MAGEB10: variants seen among roughly 807,000 people sequenced by gnomAD.
The protein encoded by MAGEB10 is MAGE family member B10, also known as melanoma-associated antigen B10.
For synonymous variants in MAGEB10, 99 were observed against 101.0 expected, an observed-to-expected ratio of 0.98 and a Z score of 0.12; for missense variants, 190 against 261.9, an observed-to-expected ratio of 0.73 and a Z score of 1.89.
chrX:27,811,461 T>C (rs750917120), intron 1 of MAGEB10, among the ~76,000 whole-genome samples: 1 of 111,466 alleles, frequency 9.0e-6, no homozygotes, highest in African/African-American at 3.3e-5. Flanking sequence ...ATATGAGCGC[T>C]TTGGAATGAG....
At chrX:27,817,440 T>C (rs1923802620) in intron 1 of MAGEB10, 114 bp from the exon 2 acceptor site, 1 of 111,534 alleles carries the variant, frequency 9.0e-6, no homozygotes, top group Non-Finnish European at 1.9e-5. Context: ...TTTTTAAATG[T>C]ATTATAGGCT....
At chrX:27,816,322 G>A (rs763958646) in intron 1 of MAGEB10, among the ~76,000 whole-genome samples, 3 of 111,955 alleles carry the variant, frequency 2.7e-5, no homozygotes, top group East Asian at 5.6e-4. Flanking sequence ...GTGAATCTTC[G>A]TGGAGCAATT....
intron 1 of MAGEB10, among the ~76,000 whole-genome samples, chrX:27,815,377 A>G (rs1269457248): frequency 8.9e-6 from 1 of 112,404 alleles, no homozygotes; most frequent in Non-Finnish European, 1.9e-5. Context: ...AGTGAACACT[A>G]CATACCTGCT....
At chrX:27,820,578 A>T (rs1923865686) in intron 2 of MAGEB10, among the ~76,000 whole-genome samples, 1 of 111,265 alleles carries the variant, frequency 9.0e-6, no homozygotes, top group African/African-American at 3.3e-5. Flanking sequence ...ACAGAGTCCC[A>T]TCTATGCTGT....
At chrX:27,810,729 G>T (rs1409046973) in intron 1 of MAGEB10, among the ~76,000 whole-genome samples, 1 of 111,170 alleles carries the variant, frequency 9.0e-6, no homozygotes, top group Admixed American at 9.5e-5. Context: ...CAGAACAAAG[G>T]GGACCCAACA....
In MAGEB10 at chrX:27,822,374, G is replaced by C. The variant is rs1923906322; in HGVS notation, c.*24G>C. 2 of 1,174,367 alleles carry C rather than the reference G, an allele frequency of 1.7e-6. No individual in the cohort carries two copies. On this transcript the variant is annotated 3_prime_UTR_variant, in exon 3 of 3. Transcript: ENST00000356790. ...AAAGTCTGAGGGAGATTCTTCATTTGTGTTTGAAAAGAAATGCACATTCTG... is the reference window on the plus strand; with the variant it reads ...AAAGTCTGAGGGAGATTCTTCATTTCTGTTTGAAAAGAAATGCACATTCTG...
rs1923806669 is a variant in MAGEB10, at chrX:27,817,691, T to A, written c.-61T>A. On this transcript the variant is annotated 5_prime_UTR_variant, in exon 2 of 3. Transcript: ENST00000356790. The stretch of plus-strand genomic sequence containing the variant: ...CTAGGAGTACAGTTGGGAGCCACTG[T>A]ACCTGGTTACTGTGAGTTTTAAATA... 9.0e-6 allele frequency: 1 copy of A among 111,216 alleles called. No individual in the cohort carries two copies. The highest frequency in any genetic ancestry group is 3.3e-5 in the African/African-American group (1 of 30,534). The allele number at this position is 111,216 out of a possible 1,213,427, so 9.2% of individuals were successfully genotyped here. A position where few individuals can be genotyped will look rare whatever the true frequency, so the allele number is the denominator to read the frequency against.
At chrX:27,813,553 C>A in intron 1 of MAGEB10, among the ~76,000 whole-genome samples, 1 of 111,739 alleles carries the variant, frequency 8.9e-6, no homozygotes, top group South Asian at 3.8e-4. Flanking sequence ...ATTGTAGAGT[C>A]TAAGAGCAGC....
intron 1 of MAGEB10, among the ~76,000 whole-genome samples, chrX:27,817,179 A>G (rs1334281145): frequency 1.8e-5 from 2 of 108,550 alleles, no homozygotes; most frequent in African/African-American, 6.6e-5. Context: ...ATAAACCTTT[A>G]GTGTGTTAAG....
chrX:27,810,889 C>T (rs942257458), intron 1 of MAGEB10, among the ~76,000 whole-genome samples: 5 of 110,316 alleles, frequency 4.5e-5, no homozygotes, highest in African/African-American at 1.7e-4. Context: ...GACTCAGGCC[C>T]TTATGGAAGT....
intron 2 of MAGEB10, among the ~76,000 whole-genome samples, chrX:27,820,453 G>A (rs1396236544): frequency 4.5e-5 from 5 of 110,675 alleles, no homozygotes; most frequent in East Asian, 2.9e-4. Flanking sequence ...AGGGGAGGGC[G>A]TTGGACCAGA....
chrX:27,811,020 A>C (rs1923672852), intron 1 of MAGEB10, among the ~76,000 whole-genome samples: 1 of 99,647 alleles, frequency 1.0e-5, no homozygotes. Context: ...CTGGGATATC[A>C]AGTGGAAGAG....
At chrX:27,811,956 G>C (rs1222398300) in intron 1 of MAGEB10, 1 of 133,860 alleles carries the variant, frequency 7.5e-6, no homozygotes, top group Non-Finnish European at 1.7e-5. Flanking sequence ...GCCCAAGGAC[G>C]TGGAAGGTGC....
rs777281486 is a variant in MAGEB10 at position 27,821,499 on chromosome X, C to T, written c.193C>T (p.Arg65Trp). Residue 65 changes from arginine to tryptophan, a missense_variant, in exon 3 of 3, where the codon CGG (arginine) becomes TGG (tryptophan). Transcript: ENST00000356790. ...DGASNNPHGL[R>W]EAQSTSTSAT... ...GGCATCCAACAATCCCCATGGACTTCGGGAAGCCCAATCCACCAGCACATC... is the reference window on the plus strand; with the variant it reads ...GGCATCCAACAATCCCCATGGACTTTGGGAAGCCCAATCCACCAGCACATC... 5 of 1,209,059 alleles carry T rather than the reference C, an allele frequency of 4.1e-6. No homozygotes were observed. The highest frequency in any genetic ancestry group is 2.3e-4 in the Middle Eastern group (1 of 4,375).
At chrX:27,816,224 C>A (rs1438439319) in intron 1 of MAGEB10, among the ~76,000 whole-genome samples, 1 of 110,863 alleles carries the variant, frequency 9.0e-6, no homozygotes, top group Non-Finnish European at 1.9e-5. Flanking sequence ...TCTCTATTTT[C>A]AGGTCGGTTT....
At chrX:27,812,750 G>A in intron 1 of MAGEB10, 1 of 368,474 alleles carries the variant, frequency 2.7e-6, no homozygotes. Flanking sequence ...AAGTCCTAGA[G>A]TTTTTGGCCA....
At chrX:27,820,007 A>G (rs1264035161) in intron 2 of MAGEB10, among the ~76,000 whole-genome samples, 1 of 111,011 alleles carries the variant, frequency 9.0e-6, no homozygotes, top group East Asian at 2.9e-4. Flanking sequence ...CCTCTTATAT[A>G]GCACCCTCTG....
At chrX:27,812,790 C>A in intron 1 of MAGEB10, 1 of 344,492 alleles carries the variant, frequency 2.9e-6, no homozygotes, top group Non-Finnish European at 5.8e-6. Context: ...CAGTGCCTTC[C>A]CATCCCATTA....
chrX:27,820,370 G>A (rs1237410868), intron 2 of MAGEB10, among the ~76,000 whole-genome samples: 3 of 111,158 alleles, frequency 2.7e-5, no homozygotes, highest in Admixed American at 9.5e-5. Flanking sequence ...CAAAAGACGG[G>A]CCCCATGGAT....
Sources: allele counts gnomAD v4.1 joint callset (sites outside exome capture counted in the v4.1 genomes callset), GRCh38; gene constraint gnomAD v4.1.1; transcripts MANE v1.5; gene names NCBI Gene and HGNC (gene_info 2026-07-23, HGNC 2026-07-21).